Variants in CNDP1 observed in about 807,000 individuals in gnomAD.
The protein encoded by CNDP1 is beta-Ala-His dipeptidase.
Under a neutral mutation model 58.1 loss-of-function variants are expected in CNDP1, and 44 were observed. The observed-to-expected ratio is 0.76, with a 90% CI of 0.60 to 0.97. CNDP1 has a LOEUF of 0.97. CNDP1 is among the 50% of genes least tolerant of loss of function. The pLI is 0.00. For synonymous variants in CNDP1, 254 were observed against 252.6 expected (o/e 1.01, Z -0.05); for missense variants, 616 against 655.1 (o/e 0.94, Z 0.65).
intron 8 of CNDP1, chr18:74,577,875 T>C (rs921666749): frequency 1.7e-5 from 5 of 298,150 alleles, no homozygotes; most frequent in Non-Finnish European, 3.1e-5. Context: ...GTGCCCGATC[T>C]CGTTTGAAAG....
In CNDP1 at chr18:74,580,226, A is replaced by G. The variant is rs1253270909; in HGVS notation, c.1264A>G (p.Ile422Val). The change falls in exon 10 of 12, where the codon ATT (isoleucine) becomes GTT (valine). Residue 422 changes from isoleucine to valine, a missense_variant. Transcript: ENST00000358821. Reference sequence around the variant, plus strand: ...AGGACTACACCCGTGGATTGCAAATATTGATGACACCCAGTATCTCGCAGC... The same window carrying G: ...AGGACTACACCCGTGGATTGCAAATGTTGATGACACCCAGTATCTCGCAGC... ...TLGLHPWIAN[I>V]DDTQYLAAKR... 1.2e-6 allele frequency: 2 copies of G among 1,614,120 alleles called. No individual in the cohort carries two copies. Among genetic ancestry groups the G allele is most frequent in the Non-Finnish European group, 1.7e-6 (2 of 1,180,042 alleles).
chr18:74,578,027 G>A lies in CNDP1; in HGVS notation c.1003-136G>A, dbSNP rs185671145. The A allele has an allele frequency of 1.6e-3, 1,172 of 743,512 alleles. 7 individuals carry two copies. Among genetic ancestry groups the A allele is most frequent in the Non-Finnish European group, 5.1e-4 (238 of 465,446 alleles). 46.1% of individuals were successfully genotyped at this position (743,512 alleles called of 1,614,324 possible). A position where few individuals can be genotyped will look rare whatever the true frequency, so the allele number is the denominator to read the frequency against. ...TGTGTCCTGAGGAAAAAGTCCTTGC[G>A]TGAGGCACAGCTGAGTAAGGTGACA... On this transcript the variant is annotated intron_variant, in intron 8 of 11. Coordinates refer to ENST00000358821, the MANE Select transcript of CNDP1 (RefSeq NM_032649.6).
intron 4 of CNDP1, 49 bp from the exon 5 acceptor site, chr18:74,561,998 T>C: frequency 6.6e-7 from 1 of 1,505,232 alleles, no homozygotes; most frequent in South Asian, 1.1e-5. Context: ...TTAACTCACA[T>C]GGCAGAGGTG....
Position 74,575,831 on chromosome 18 carries a change from ATG to A in CNDP1, c.842-1008_842-1007del, listed in dbSNP as rs386388202. 2.1e-3 allele frequency among the ~76,000 whole-genome samples: 202 copies of A among 94,222 alleles called. 4 individuals carry two copies. The highest frequency in any genetic ancestry group is 2.1e-3 in the East Asian group (7 of 3,406). 61.8% of individuals were successfully genotyped at this position (94,222 alleles called of 152,430 possible). On this transcript the variant is annotated intron_variant, in intron 7 of 11. Transcript: ENST00000358821. ...TATGTATGTATGTAGGTGTGTATAC[ATG>A]TGTGTGTGTGTGTGTGTGTGTGTGT...
At chr18:74,543,314 AC>A (rs35885130) in intron 1 of CNDP1, among the ~76,000 whole-genome samples, 1 of 151,332 alleles carries the variant, frequency 6.6e-6, no homozygotes. Context: ...ATATGGTGAG[AC>A]CCCCCTGTTT....
Position 74,580,246 on chromosome 18 carries a change from C to G in CNDP1, c.1284C>G (p.Leu428=). ...WIANIDDTQY[L]AAKRAIRTVF... ...CAAATATTGATGACACCCAGTATCT[C>G]GCAGCAAAAAGAGCGATCAGAACAG... Residue 428 remains leucine, a synonymous_variant, in exon 10 of 12, where the codon CTC becomes CTG. Coordinates refer to ENST00000358821, the MANE Select transcript of CNDP1 (RefSeq NM_032649.6). 1 of 1,614,170 alleles carries G rather than the reference C, an allele frequency of 6.2e-7. No individual in the cohort carries two copies. Among genetic ancestry groups the G allele is most frequent in the Non-Finnish European group, 8.5e-7 (1 of 1,180,012 alleles).
chr18:74,571,502 T>C (rs1343709448), intron 7 of CNDP1, among the ~76,000 whole-genome samples: 1 of 152,182 alleles, frequency 6.6e-6, no homozygotes, highest in African/African-American at 2.4e-5. Context: ...TTATTGGACA[T>C]TGTGACACAT....
At chr18:74,578,430 C>T in intron 9 of CNDP1, 103 bp downstream of exon 9, 1 of 1,139,620 alleles carries the variant, frequency 8.8e-7, no homozygotes, top group Non-Finnish European at 1.3e-6. Flanking sequence ...ATTGGAGTAT[C>T]ATTTTTTTCC....
chr18:74,538,368 A>C (rs1980534871), intron 1 of CNDP1, among the ~76,000 whole-genome samples: 1 of 152,184 alleles, frequency 6.6e-6, no homozygotes, highest in Non-Finnish European at 1.5e-5. Flanking sequence ...TCAGGACTGC[A>C]TTCCTTTTCA....
intron 6 of CNDP1, among the ~76,000 whole-genome samples, chr18:74,567,639 T>C (rs1981365461): frequency 6.6e-6 from 1 of 152,200 alleles, no homozygotes; most frequent in Admixed American, 6.5e-5. Context: ...TTGGAGTGGA[T>C]GTGGCTATGT....
chr18:74,582,225 T>A (rs1981807107), intron 10 of CNDP1, among the ~76,000 whole-genome samples: 2 of 152,260 alleles, frequency 1.3e-5, no homozygotes, highest in Admixed American at 1.3e-4. Context: ...ATTTGTGTGC[T>A]AAACTGGTTC....
chr18:74,557,310 C>T (rs1599092395), intron 2 of CNDP1, among the ~76,000 whole-genome samples: 1 of 152,190 alleles, frequency 6.6e-6, no homozygotes, highest in Middle Eastern at 3.4e-3. Flanking sequence ...CGGCCTCGAC[C>T]TCCTGGGTTC....
chr18:74,568,884 C>T (rs1166635156), intron 6 of CNDP1, among the ~76,000 whole-genome samples: 1 of 152,078 alleles, frequency 6.6e-6, no homozygotes, highest in East Asian at 1.9e-4. Flanking sequence ...ACAGAGAAGG[C>T]TGGCCCAGGG....
rs2144579432 is a variant in CNDP1, at chr18:74,580,229, G to A, written c.1267G>A (p.Asp423Asn). Residue 423 changes from aspartate (D) to asparagine (N), a missense_variant, in exon 10 of 12, where the codon GAT becomes AAT. Coordinates refer to ENST00000358821, the MANE Select transcript of CNDP1 (RefSeq NM_032649.6). ...ACTACACCCGTGGATTGCAAATATT[G>A]ATGACACCCAGTATCTCGCAGCAAA... is the stretch of plus-strand genomic sequence containing the variant. The part of the protein sequence containing the change: ...LGLHPWIANI[D>N]DTQYLAAKRA... 1 of 1,614,192 alleles carries A rather than the reference G, an allele frequency of 6.2e-7. No homozygotes were observed. Among genetic ancestry groups the A allele is most frequent in the Non-Finnish European group, 8.5e-7 (1 of 1,180,032 alleles).
At chr18:74,556,580 A>G in intron 2 of CNDP1, 114 bp downstream of exon 2, 1 of 1,214,016 alleles carries the variant, frequency 8.2e-7, no homozygotes, top group Non-Finnish European at 1.2e-6. Flanking sequence ...AATTCCATTT[A>G]AAATGCCTAT....
chr18:74,551,294 G>A (rs577129327), intron 1 of CNDP1, among the ~76,000 whole-genome samples: 1 of 150,780 alleles, frequency 6.6e-6, no homozygotes, highest in Non-Finnish European at 1.5e-5. Flanking sequence ...CCCACCACAG[G>A]CATTTCTTTA....
In CNDP1 at chr18:74,559,212, T is replaced by C. The variant is rs1981120435; in HGVS notation, c.154-111T>C. ...GCACTGTCATAGGTCCTCAGGTCCT[T>C]GATCAACAGAAAAGTACCTGGGGAC... On this transcript the variant is annotated intron_variant, in intron 2 of 11. Transcript: ENST00000358821. The C allele has an allele frequency of 1.3e-5, 13 of 1,022,322 alleles. No individual in the cohort carries two copies. The East Asian group carries it at 2.9e-4, about 22-fold the overall frequency. 63.3% of individuals were successfully genotyped at this position (1,022,322 alleles called of 1,614,324 possible). A position where few individuals can be genotyped will look rare whatever the true frequency, so the allele number is the denominator to read the frequency against.
chr18:74,583,468 A>C, intron 10 of CNDP1, 93 bp from the exon 11 acceptor site: 1 of 998,572 alleles, frequency 1.0e-6, no homozygotes, highest in Non-Finnish European at 1.5e-6. Context: ...AAGGAAAAAG[A>C]GAGAGGAAGG....
chr18:74,563,474 A>C (rs1486659829), intron 5 of CNDP1, among the ~76,000 whole-genome samples: 1 of 152,090 alleles, frequency 6.6e-6, no homozygotes, highest in Non-Finnish European at 1.5e-5. Flanking sequence ...TTAAATTTCA[A>C]CTCTGAAAAT....
Sources: gnomAD v4.1 joint callset for allele counts (sites outside exome capture counted in the v4.1 genomes callset) on GRCh38, gnomAD v4.1.1 for gene constraint, MANE v1.5 for transcripts, NCBI Gene and HGNC (gene_info 2026-07-23, HGNC 2026-07-21) for gene names.